The following MARCHF6 variants were observed in gnomAD, a reference collection of about 807,000 sequenced individuals.
MARCHF6 encodes membrane associated ring-CH-type finger 6.
MARCHF6 carries 31 observed loss-of-function variants against 133.7 expected under a neutral mutation model. That is an observed-to-expected ratio of 0.23 (90% CI 0.17 to 0.31). MARCHF6 has a LOEUF of 0.31. MARCHF6 is among the 10% of genes least tolerant of loss of function. MARCHF6 has a pLI of 1.00. For synonymous variants in MARCHF6, 395 were observed against 402.5 expected, an observed-to-expected ratio of 0.98 and a Z score of 0.22; for missense variants, 723 against 1,121.6, an observed-to-expected ratio of 0.64 and a Z score of 5.08.
At chr5:10,394,725 T>C in intron 8 of MARCHF6, 28 bp from the exon 9 acceptor site, 1 of 1,564,834 alleles carries the variant, frequency 6.4e-7, no homozygotes, top group Non-Finnish European at 8.7e-7. Flanking sequence ...CATCTTAAAT[T>C]AATGCTTATC....
At chr5:10,410,630 G>T (rs1346614367) in intron 18 of MARCHF6, among the ~76,000 whole-genome samples, 5 of 151,676 alleles carry the variant, frequency 3.3e-5, no homozygotes, top group Non-Finnish European at 7.4e-5. Flanking sequence ...TGGGAAATGG[G>T]TTCTTCTCAA....
At chr5:10,402,676 G>A (rs745813901) in intron 14 of MARCHF6, 69 bp downstream of exon 14, 43 of 1,274,884 alleles carry the variant, frequency 3.4e-5, no homozygotes, top group Middle Eastern at 2.4e-4. Context: ...TCTTCAGCAT[G>A]TATTCTTTTT....
At chr5:10,376,723 T>A (rs946638750) in intron 1 of MARCHF6, among the ~76,000 whole-genome samples, 6 of 152,022 alleles carry the variant, frequency 3.9e-5, no homozygotes, top group African/African-American at 1.4e-4. Flanking sequence ...CACAGAAGAG[T>A]AGCCACAGGC....
intron 1 of MARCHF6, among the ~76,000 whole-genome samples, chr5:10,376,524 A>G (rs981956915): frequency 4.7e-4 from 71 of 152,110 alleles, no homozygotes; most frequent in African/African-American, 1.6e-3. Context: ...TCCGGACACA[A>G]TTTGACTGGT....
chr5:10,429,529 G>C (rs978793400), intron 24 of MARCHF6, among the ~76,000 whole-genome samples: 1 of 151,846 alleles, frequency 6.6e-6, no homozygotes, highest in Non-Finnish European at 1.5e-5. Context: ...CTCCTGAGTA[G>C]CTGGGACTAC....
Position 10,406,576 on chromosome 5 carries a change from T to C in MARCHF6, c.1453-526T>C, listed in dbSNP as rs180780637. On this transcript the variant is annotated intron_variant, in intron 16 of 25. Coordinates refer to ENST00000274140, the MANE Select transcript of MARCHF6 (RefSeq NM_005885.4). ...AGCTAATTTTTGTATTTTTAGTAGATGCGGGGTTTCACTATGTTGGCCAGG... is the reference window on the plus strand; with the variant it reads ...AGCTAATTTTTGTATTTTTAGTAGACGCGGGGTTTCACTATGTTGGCCAGG... Among the ~76,000 whole-genome samples, 147 of 152,014 alleles carry C rather than the reference T, an allele frequency of 9.7e-4. 1 individual carries two copies. Among genetic ancestry groups the C allele is most frequent in the Non-Finnish European group, 1.6e-3 (107 of 67,956 alleles).
rs768107703 is a variant in MARCHF6 at position 10,415,599 on chromosome 5, C to T, written c.2078C>T (p.Thr693Met). 5.0e-6 allele frequency: 8 copies of T among 1,613,986 alleles called. No homozygotes were observed. The highest frequency in any genetic ancestry group is 1.3e-5 in the African/African-American group (1 of 74,904). The change falls in exon 21 of 26, where the codon ACG becomes ATG. Residue 693 changes from threonine (T) to methionine (M), a missense_variant. Physicochemically the swap from Thr to Met is moderately conservative, Grantham distance 81. This residue lies in a region of MARCHF6 where 492 missense variants were observed against 699.5 expected (regional missense o/e 0.70). Coordinates refer to ENST00000274140, the MANE Select transcript of MARCHF6 (RefSeq NM_005885.4). ...TGCTGGCTAACCATAAGGGCTGTGA[C>T]GGTGATGGTGGCATGGATGCCTCAG... is the stretch of plus-strand genomic sequence containing the variant. ...YVCWLTIRAV[T>M]VMVAWMPQGR...
At chr5:10,393,978 C>T in intron 7 of MARCHF6, 104 bp from the exon 8 acceptor site, 1 of 535,224 alleles carries the variant, frequency 1.9e-6, no homozygotes. Flanking sequence ...TTCTCAACAA[C>T]AGCTTACAAA....
At chr5:10,356,343 A>ATTTTATTTTATTTTATTTTAT (rs544284130) in intron 1 of MARCHF6, among the ~76,000 whole-genome samples, 11 of 101,448 alleles carry the variant, frequency 1.1e-4, no homozygotes, top group African/African-American at 4.2e-4. Context: ...TCTGTTTTTT[A>ATTTTATTTTATTTTATTTTAT]TTTATTTTAT....
chr5:10,404,845 G>A (rs543793437), intron 15 of MARCHF6, among the ~76,000 whole-genome samples: 6 of 152,294 alleles, frequency 3.9e-5, no homozygotes, highest in African/African-American at 1.4e-4. Context: ...ACAACTGATT[G>A]AGAACTAAAG....
In MARCHF6 at chr5:10,411,240, C is replaced by A. The variant is rs749334886; in HGVS notation, c.1692-93C>A. On this transcript the variant is annotated intron_variant, in intron 18 of 25. Coordinates refer to ENST00000274140, the MANE Select transcript of MARCHF6 (RefSeq NM_005885.4). ...CAAATTCTGTATTATACATTTTCTA[C>A]CCTTAGTAGTAAATATGAAGAAAAT... 46 of 982,498 alleles carry A rather than the reference C, an allele frequency of 4.7e-5. 1 individual carries two copies. Among genetic ancestry groups the A allele is most frequent in the Non-Finnish European group, 7.3e-5 (46 of 627,888 alleles). 60.9% of individuals were successfully genotyped at this position (982,498 alleles called of 1,614,324 possible).
intron 5 of MARCHF6, among the ~76,000 whole-genome samples, chr5:10,388,639 C>T (rs1737629639): frequency 6.6e-6 from 1 of 152,188 alleles, no homozygotes; most frequent in Non-Finnish European, 1.5e-5. Context: ...GATGGTTTGT[C>T]TGAGATGCCT....
chr5:10,429,833 T>C, intron 24 of MARCHF6, 60 bp from the exon 25 acceptor site: 2 of 1,422,856 alleles, frequency 1.4e-6, no homozygotes, highest in Non-Finnish European at 2.0e-6. Flanking sequence ...AGGACATGTT[T>C]ACGTTTCATG....
intron 1 of MARCHF6, among the ~76,000 whole-genome samples, chr5:10,375,836 A>G (rs1013480917): frequency 6.6e-6 from 1 of 152,102 alleles, no homozygotes; most frequent in African/African-American, 2.4e-5. Context: ...GTTTGTAAAC[A>G]CACCAATCAG....
At chr5:10,364,290 C>T (rs147901570) in intron 1 of MARCHF6, among the ~76,000 whole-genome samples, 5 of 152,110 alleles carry the variant, frequency 3.3e-5, no homozygotes, top group East Asian at 1.9e-4. Context: ...AGCAACCTTC[C>T]GGGTACAGGT....
At chr5:10,430,782 G>T (rs1198721290) in intron 25 of MARCHF6, among the ~76,000 whole-genome samples, 1 of 152,216 alleles carries the variant, frequency 6.6e-6, no homozygotes, top group African/African-American at 2.4e-5. Context: ...GTTGCACAGA[G>T]AGGCTTGAGG....
chr5:10,369,745 G>A (rs966682820), intron 1 of MARCHF6, among the ~76,000 whole-genome samples: 11 of 152,124 alleles, frequency 7.2e-5, no homozygotes, highest in Middle Eastern at 3.4e-3. Context: ...CATACAGTAT[G>A]TAGTCTTTTG....
At chr5:10,431,941 CAA>C (rs997707919) in intron 25 of MARCHF6, among the ~76,000 whole-genome samples, 4 of 151,976 alleles carry the variant, frequency 2.6e-5, no homozygotes, top group African/African-American at 7.3e-5. Context: ...ACAAAATTCT[CAA>C]AGTTTTAAAA....
intron 1 of MARCHF6, among the ~76,000 whole-genome samples, chr5:10,373,328 G>A (rs1736573132): frequency 6.6e-6 from 1 of 152,110 alleles, no homozygotes; most frequent in African/African-American, 2.4e-5. Context: ...GGAGATCCAT[G>A]TCTCTCTCCC....
Sources: allele counts gnomAD v4.1 joint callset (sites outside exome capture counted in the v4.1 genomes callset), GRCh38; gene constraint gnomAD v4.1.1; regional missense constraint gnomAD v4.1.1; transcripts MANE v1.5; gene names NCBI Gene and HGNC (gene_info 2026-07-23, HGNC 2026-07-21).